COLEC12: variants seen among roughly 807,000 people sequenced by gnomAD.
COLEC12 encodes collectin-12.
COLEC12 carries 33 observed loss-of-function variants against 71.1 expected under a neutral mutation model. That is an observed-to-expected ratio of 0.46 (90% CI 0.35 to 0.62). The LOEUF (loss-of-function observed/expected upper bound fraction) is 0.62, where lower values mean the gene tolerates loss of function less well. COLEC12 is among the 20% of genes least tolerant of loss of function. The probability of loss-of-function intolerance (pLI) is 0.00; values close to 1 mark genes in which losing one functional copy is unlikely to be tolerated. For synonymous variants in COLEC12, 350 were observed against 353.0 expected, an observed-to-expected ratio of 0.99 and a Z score of 0.10; for missense variants, 765 against 916.1, an observed-to-expected ratio of 0.84 and a Z score of 2.13.
chr18:347,380 G>A, intron 4 of COLEC12, 39 bp from the exon 5 acceptor site: 1 of 1,554,800 alleles, frequency 6.4e-7, no homozygotes, highest in East Asian at 2.2e-5. Context: ...TTGGTGGTAT[G>A]GAGAAGTGTT....
At chr18:374,946 T>C (rs1029762262) in intron 2 of COLEC12, among the ~76,000 whole-genome samples, 9 of 152,018 alleles carry the variant, frequency 5.9e-5, no homozygotes, top group East Asian at 1.9e-4. Flanking sequence ...ACATGGGAAG[T>C]TGGGGAAAGT....
Position 327,116 on chromosome 18 carries a change from A to AG in COLEC12, c.2063+4551dup, listed in dbSNP as rs1242338849. On this transcript the variant is annotated intron_variant, in intron 8 of 9. Transcript: ENST00000400256. The surrounding 1 kb of genome is among the most constrained non-coding windows in gnomAD (Gnocchi z 4.0). The stretch of plus-strand genomic sequence containing the variant: ...GGCCAATGGACTCTAATCTCCAGTC[A>AG]GGGGCTGGGTGTTGGCCAAGAATGA... Among the ~76,000 whole-genome samples the AG allele has an allele frequency of 1.3e-5, 2 of 152,236 alleles. No homozygotes were observed. Among genetic ancestry groups the AG allele is most frequent in the Non-Finnish European group, 2.9e-5 (2 of 68,046 alleles).
intron 2 of COLEC12, among the ~76,000 whole-genome samples, chr18:457,382 C>A (rs1208230057): frequency 6.6e-6 from 1 of 152,198 alleles, no homozygotes; most frequent in East Asian, 1.9e-4. Flanking sequence ...GGATTTAACA[C>A]CCTCCCTGGG....
At chr18:467,871 C>T (rs890164871) in intron 2 of COLEC12, among the ~76,000 whole-genome samples, 14 of 146,144 alleles carry the variant, frequency 9.6e-5, no homozygotes, top group South Asian at 2.1e-4. Context: ...TTTTTGCCAA[C>T]TAAATTTTAC....
At chr18:459,721 A>G (rs1297206735) in intron 2 of COLEC12, among the ~76,000 whole-genome samples, 3 of 152,228 alleles carry the variant, frequency 2.0e-5, no homozygotes, top group African/African-American at 7.2e-5. Context: ...CAGGGCCAAG[A>G]CAGAATTTCC....
At chr18:452,459 G>A (rs374937782) in intron 2 of COLEC12, among the ~76,000 whole-genome samples, 7 of 152,180 alleles carry the variant, frequency 4.6e-5, no homozygotes, top group African/African-American at 9.7e-5. Flanking sequence ...TATAATGATC[G>A]CTGTTGATTC....
intron 2 of COLEC12, among the ~76,000 whole-genome samples, chr18:366,612 A>G (rs571662904): frequency 6.6e-6 from 1 of 152,144 alleles, no homozygotes; most frequent in African/African-American, 2.4e-5. Flanking sequence ...CATTTCCCTA[A>G]GCAAAGGAGC....
At chr18:401,773 C>T (rs1291778485) in intron 2 of COLEC12, among the ~76,000 whole-genome samples, 3 of 152,082 alleles carry the variant, frequency 2.0e-5, no homozygotes, top group African/African-American at 7.2e-5. Flanking sequence ...GTACTGGGTA[C>T]AATGTATTGA....
In COLEC12 at chr18:399,896, C is replaced by T. The variant is rs1915646007; in HGVS notation, c.59-42374G>A. On this transcript the variant is annotated intron_variant, in intron 2 of 9. Transcript: ENST00000400256. The surrounding 1 kb of genome is among the most constrained non-coding windows in gnomAD (Gnocchi z 4.0). ...TGGGACTAGCCCAGCTTCTAACAGC[C>T]CCCAGTTTTTGGCTTGATCCTCAGA... is the stretch of plus-strand genomic sequence containing the variant. Among the ~76,000 whole-genome samples, 1 of 152,078 alleles carries T rather than the reference C, an allele frequency of 6.6e-6. No homozygotes were observed. The highest frequency in any genetic ancestry group is 6.6e-5 in the Admixed American group (1 of 15,244).
intron 1 of COLEC12, among the ~76,000 whole-genome samples, chr18:482,126 T>C (rs1318998298): frequency 4.0e-5 from 6 of 151,796 alleles, no homozygotes; most frequent in Non-Finnish European, 8.8e-5. Flanking sequence ...CACTTTTTTT[T>C]TTTTTTTGAG....
chr18:493,212 C>A (rs1466682826), intron 1 of COLEC12, among the ~76,000 whole-genome samples: 1 of 152,126 alleles, frequency 6.6e-6, no homozygotes, highest in East Asian at 1.9e-4. Flanking sequence ...GTAGCTGGGA[C>A]TATAGCCACT....
Position 405,738 on chromosome 18 carries a change from C to T in COLEC12, c.59-48216G>A, listed in dbSNP as rs114561192. Among the ~76,000 whole-genome samples the T allele has an allele frequency of 2.7e-3, 408 of 152,236 alleles. 1 individual carries two copies. Among genetic ancestry groups the T allele is most frequent in the African/African-American group, 9.1e-3 (378 of 41,546 alleles). On this transcript the variant is annotated intron_variant, in intron 2 of 9. Coordinates refer to ENST00000400256, the MANE Select transcript of COLEC12 (RefSeq NM_130386.3). ...CAACAGTGGAGAGACTTCTGACTTA[C>T]CTTCCCATCTCTCTCTCACCCCATC... is the stretch of plus-strand genomic sequence containing the variant.
At position 408,282 on chromosome 18, in the gene COLEC12, C is replaced by T. The variant is rs1457902780; in HGVS notation, c.59-50760G>A. Among the ~76,000 whole-genome samples, 1 of 152,180 alleles carries T rather than the reference C, an allele frequency of 6.6e-6. No homozygotes were observed. Among genetic ancestry groups the T allele is most frequent in the Non-Finnish European group, 1.5e-5 (1 of 68,040 alleles). On this transcript the variant is annotated intron_variant, in intron 2 of 9. Coordinates refer to ENST00000400256, the MANE Select transcript of COLEC12 (RefSeq NM_130386.3). This position sits in a 1 kb window ranked among gnomAD's most constrained non-coding sequence, Gnocchi z 4.3. ...AGAAAACGTTATTAAAAGGTCAGCACAGTGCCTGGCCCCTGATACCTGCAA... is the reference window on the plus strand; with the variant it reads ...AGAAAACGTTATTAAAAGGTCAGCATAGTGCCTGGCCCCTGATACCTGCAA...
intron 3 of COLEC12, among the ~76,000 whole-genome samples, chr18:354,879 GA>G (rs1914597349): frequency 6.6e-6 from 1 of 152,120 alleles, no homozygotes; most frequent in East Asian, 1.9e-4. Flanking sequence ...ATCTTGGTGA[GA>G]CTGCCCCCAC....
chr18:480,793 C>T lies in COLEC12; in HGVS notation c.8-36G>A. On this transcript the variant is annotated intron_variant, in intron 1 of 9. Coordinates refer to ENST00000400256, the MANE Select transcript of COLEC12 (RefSeq NM_130386.3). This position sits in a 1 kb window ranked among gnomAD's most constrained non-coding sequence, Gnocchi z 4.1. ...AGAAGAGACACGATGTTAATCCTGG[C>T]AAGGGGCACAGAAGCAGAGGGTGGG... The T allele has an allele frequency of 1.9e-6, 3 of 1,590,248 alleles. No individual in the cohort carries two copies. Among genetic ancestry groups the T allele is most frequent in the Non-Finnish European group, 2.6e-6 (3 of 1,158,152 alleles).
At chr18:422,795 A>C (rs946371568) in intron 2 of COLEC12, among the ~76,000 whole-genome samples, 2 of 152,216 alleles carry the variant, frequency 1.3e-5, no homozygotes, top group African/African-American at 4.8e-5. Context: ...CACATTATGA[A>C]ACCCATGAGA....
At chr18:413,769 A>C (rs1240398451) in intron 2 of COLEC12, among the ~76,000 whole-genome samples, 1 of 152,232 alleles carries the variant, frequency 6.6e-6, no homozygotes, top group African/African-American at 2.4e-5. Flanking sequence ...AGCTAAATAA[A>C]CTATGATACA....
intron 8 of COLEC12, among the ~76,000 whole-genome samples, chr18:330,306 G>A (rs1174589058): frequency 6.6e-6 from 1 of 152,118 alleles, no homozygotes; most frequent in African/African-American, 2.4e-5. Context: ...CCATGCCCAT[G>A]AGACTCTCTT....
chr18:455,194 T>C (rs913351214), intron 2 of COLEC12, among the ~76,000 whole-genome samples: 9 of 151,968 alleles, frequency 5.9e-5, no homozygotes, highest in Non-Finnish European at 1.0e-4. Context: ...GGGAGATAAA[T>C]AGAAATGAAA....
Sources: allele counts gnomAD v4.1 joint callset (sites outside exome capture counted in the v4.1 genomes callset), GRCh38; gene constraint gnomAD v4.1.1; non-coding constraint Gnocchi (gnomAD v3.1); transcripts MANE v1.5; gene names NCBI Gene and HGNC (gene_info 2026-07-23, HGNC 2026-07-21).